Variants in FLT1 observed in about 807,000 individuals in gnomAD.
FLT1 encodes the protein vascular endothelial growth factor receptor 1.
FLT1 carries 49 observed loss-of-function variants against 156.3 expected under a neutral mutation model. The ratio of observed to expected loss-of-function variants is 0.31; its 90% CI spans 0.25 to 0.40. The LOEUF (loss-of-function observed/expected upper bound fraction) is 0.40, where lower values mean the gene tolerates loss of function less well. FLT1 is among the 10% of genes least tolerant of loss of function. FLT1 has a pLI of 1.00. For missense variants in FLT1, 1,322 were observed against 1,637.2 expected, an observed-to-expected ratio of 0.81 and a Z score of 3.32; for synonymous variants, 594 against 583.8, an observed-to-expected ratio of 1.02 and a Z score of -0.25.
intron 10 of FLT1, among the ~76,000 whole-genome samples, chr13:28,406,866 G>T (rs990876191): frequency 3.3e-5 from 5 of 152,142 alleles, no homozygotes; most frequent in African/African-American, 1.2e-4. Context: ...TGACTTATGT[G>T]AGAGGAAAAT....
intron 14 of FLT1, among the ~76,000 whole-genome samples, chr13:28,380,431 G>T (rs990273678): frequency 2.6e-5 from 4 of 152,090 alleles, no homozygotes; most frequent in Non-Finnish European, 5.9e-5. Flanking sequence ...CTATATACAT[G>T]GGGAAGATTA....
intron 13 of FLT1, chr13:28,385,680 T>C: frequency 1.0e-6 from 1 of 988,350 alleles, no homozygotes; most frequent in Non-Finnish European, 1.2e-6. Flanking sequence ...AGTACAAATA[T>C]TGTATTTTAT....
intron 6 of FLT1, among the ~76,000 whole-genome samples, chr13:28,433,339 A>C (rs1383176138): frequency 2.0e-5 from 3 of 152,244 alleles, no homozygotes. Flanking sequence ...CAAATGGAAT[A>C]TTGGATGGCT....
chr13:28,398,893 G>T, intron 11 of FLT1: 1 of 619,756 alleles, frequency 1.6e-6, no homozygotes, highest in Non-Finnish European at 2.9e-6. Flanking sequence ...CAAGGAAAGC[G>T]CATATGAAGG....
chr13:28,308,519 C>T (rs1307901391), intron 28 of FLT1: 2 of 381,202 alleles, frequency 5.2e-6, no homozygotes, highest in Non-Finnish European at 1.0e-5. Context: ...ACCCACACAG[C>T]TGGGAGTTCC....
Position 28,317,583 on chromosome 13 carries a change from G to C in FLT1, c.3301C>G (p.Pro1101Ala), listed in dbSNP as rs1871257983. The change falls in exon 25 of 30, where the codon CCA becomes GCA. Residue 1101 changes from proline (P) to alanine (A), a missense_variant. Around this residue, in one of 3 missense-constraint regions of FLT1, gnomAD observed 329 missense variants for 366.2 expected, o/e 0.90. Transcript: ENST00000282397. Reference protein sequence around the residue: ...EIFSLGGSPYPGVQMDEDFCS... With the variant: ...EIFSLGGSPYAGVQMDEDFCS... ...AAGTCCTCATCCATTTGTACTCCTG[G>C]GTATGGAGACCCACCTGCGGGAGAC... is the stretch of plus-strand genomic sequence containing the variant. The C allele has an allele frequency of 6.2e-7, 1 of 1,613,068 alleles. No individual in the cohort carries two copies. The highest frequency in any genetic ancestry group is 1.7e-5 in the Admixed American group (1 of 60,028).
At chr13:28,472,569 C>T (rs745349448) in intron 1 of FLT1, among the ~76,000 whole-genome samples, 12 of 152,322 alleles carry the variant, frequency 7.9e-5, no homozygotes, top group Non-Finnish European at 1.3e-4. Context: ...CCCCTGGTTT[C>T]TCTCCCACCA....
At chr13:28,312,747 G>A (rs1871056222) in intron 25 of FLT1, among the ~76,000 whole-genome samples, 1 of 152,002 alleles carries the variant, frequency 6.6e-6, no homozygotes, top group African/African-American at 2.4e-5. Flanking sequence ...GAGTTTCCGG[G>A]GCTGTGAGCA....
At chr13:28,484,016 T>C (rs968699763) in intron 1 of FLT1, among the ~76,000 whole-genome samples, 1 of 152,208 alleles carries the variant, frequency 6.6e-6, no homozygotes, top group African/African-American at 2.4e-5. Context: ...CAGGGTTTCC[T>C]CAGCCTTGGG....
intron 3 of FLT1, among the ~76,000 whole-genome samples, chr13:28,457,736 C>T (rs902217986): frequency 3.9e-5 from 6 of 152,048 alleles, no homozygotes; most frequent in Admixed American, 3.9e-4. Context: ...GGGATTTCTT[C>T]TGAAAAAGTC....
Position 28,384,889 on chromosome 13 carries a change from C to T in FLT1, c.2112G>A (p.Glu704=), listed in dbSNP as rs1249911603. Reference sequence around the variant, plus strand: ...GAAGAAAAAAAAGTCTCTTACCAGGCTCTTGTTGTATTTTGTGGTTGTTTT... The same window carrying T: ...GAAGAAAAAAAAGTCTCTTACCAGGTTCTTGTTGTATTTTGTGGTTGTTTT... ...WFKNNHKIQQ[E]PGIILGPGSS... Residue 704 remains glutamate (E), a synonymous_variant, in exon 14 of 30, where the codon GAG becomes GAA. Coordinates refer to ENST00000282397, the MANE Select transcript of FLT1 (RefSeq NM_002019.4). 6.2e-7 allele frequency: 1 copy of T among 1,613,976 alleles called. No homozygotes were observed. Among genetic ancestry groups the T allele is most frequent in the South Asian group, 1.1e-5 (1 of 91,074 alleles).
rs989004922 is a variant in FLT1 at position 28,329,787 on chromosome 13, G to C, written c.2594-59C>G. The C allele has an allele frequency of 4.9e-6, 7 of 1,417,096 alleles. No individual in the cohort carries two copies. In the East Asian group the frequency reaches 1.6e-4, roughly 33 times the overall value. The allele number at this position is 1,417,096 out of a possible 1,614,324, so 87.8% of individuals were successfully genotyped here. ...GGACAATGGGGCTCCTTCCGCCGGA[G>C]GCGGCATTCTTGCCCTCCTTGTTTG... On this transcript the variant is annotated intron_variant, in intron 18 of 29. Transcript: ENST00000282397.
At position 28,467,022 on chromosome 13, in the gene FLT1, C is replaced by T. The variant is rs2137622390; in HGVS notation, c.269G>A (p.Ser90Asn). 7 of 1,614,100 alleles carry T rather than the reference C, an allele frequency of 4.3e-6. No homozygotes were observed. The highest frequency in any genetic ancestry group is 5.9e-6 in the Non-Finnish European group (7 of 1,179,918). Residue 90 changes from serine to asparagine, a missense_variant, in exon 3 of 30, where the codon AGT becomes AAT. This residue lies in a region of FLT1 where 991 missense variants were observed against 1,254.8 expected (regional missense o/e 0.79). Transcript: ENST00000282397. ...TTGAGCTGTGTTCAAGGTTAAAGTA[C>T]TGCAGAATTGTTTGCCATTTCTTCC... is the stretch of plus-strand genomic sequence containing the variant. Reference protein sequence around the residue: ...ACGRNGKQFCSTLTLNTAQAN... With the variant: ...ACGRNGKQFCNTLTLNTAQAN...
chr13:28,357,767 A>G lies in FLT1; in HGVS notation c.2117-82T>C. ...ACTTCTGTAACACAGCCTTCTTCCTATCATTATGCATTCAGACAAGGAAAT... is the reference window on the plus strand; with the variant it reads ...ACTTCTGTAACACAGCCTTCTTCCTGTCATTATGCATTCAGACAAGGAAAT... On this transcript the variant is annotated intron_variant, in intron 14 of 29. Transcript: ENST00000282397. 1.2e-5 allele frequency: 15 copies of G among 1,269,230 alleles called. 1 individual carries two copies. The South Asian group carries it at 1.7e-4, about 14-fold the overall frequency. 78.6% of individuals were successfully genotyped at this position (1,269,230 alleles called of 1,614,324 possible). A position where few individuals can be genotyped will look rare whatever the true frequency, so the allele number is the denominator to read the frequency against.
At chr13:28,461,378 A>C (rs1432088816) in intron 3 of FLT1, among the ~76,000 whole-genome samples, 1 of 152,222 alleles carries the variant, frequency 6.6e-6, no homozygotes, top group Non-Finnish European at 1.5e-5. Context: ...AAATAGACCT[A>C]ACCTAGCTGG....
In FLT1 at chr13:28,429,177, A is replaced by G. The variant is rs1210965597; in HGVS notation, c.1106+873T>C. On this transcript the variant is annotated intron_variant, in intron 8 of 29. Coordinates refer to ENST00000282397, the MANE Select transcript of FLT1 (RefSeq NM_002019.4). The stretch of plus-strand genomic sequence containing the variant: ...ATCATTTTTCTACTGCAATGGCATG[A>G]AGACATAGCACAAAGTTAAAATTTT... 2.0e-5 allele frequency among the ~76,000 whole-genome samples: 3 copies of G among 152,198 alleles called. No homozygotes were observed. The East Asian group carries it at 5.8e-4, about 29-fold the overall frequency.
chr13:28,421,461 G>C (rs1348768917), intron 10 of FLT1, among the ~76,000 whole-genome samples: 1 of 152,174 alleles, frequency 6.6e-6, no homozygotes, highest in Non-Finnish European at 1.5e-5. Context: ...GGGCTGGATC[G>C]AGGCTGGCAA....
intron 11 of FLT1, among the ~76,000 whole-genome samples, chr13:28,402,915 G>A (rs1046911329): frequency 1.3e-5 from 2 of 152,116 alleles, no homozygotes; most frequent in East Asian, 1.9e-4. Context: ...TCAGCCTTCC[G>A]AGTAGCTGGG....
At chr13:28,334,727 C>A (rs909865723) in intron 17 of FLT1, among the ~76,000 whole-genome samples, 1 of 152,204 alleles carries the variant, frequency 6.6e-6, no homozygotes, top group African/African-American at 2.4e-5. Flanking sequence ...CCTGGTCAAC[C>A]ACTGGTAGTG....
Sources: allele counts gnomAD v4.1 joint callset (sites outside exome capture counted in the v4.1 genomes callset), GRCh38; gene constraint gnomAD v4.1.1; regional missense constraint gnomAD v4.1.1; transcripts MANE v1.5; gene names NCBI Gene and HGNC (gene_info 2026-07-23, HGNC 2026-07-21).